Variants in FNBP1 observed in about 807,000 individuals in gnomAD.
FNBP1 encodes the protein formin-binding protein 1.
FNBP1 carries 26 observed loss-of-function variants against 90.6 expected under a neutral mutation model. The observed-to-expected ratio is 0.29, with a 90% CI of 0.21 to 0.40. The LOEUF is 0.40. Ranked by LOEUF, FNBP1 falls within the 10% of genes least tolerant of loss-of-function variation. The probability of loss-of-function intolerance (pLI) is 1.00; values close to 1 mark genes in which losing one functional copy is unlikely to be tolerated. For synonymous variants in FNBP1, 260 were observed against 265.2 expected (o/e 0.98, Z 0.19); for missense variants, 635 against 768.0 (o/e 0.83, Z 2.05).
Position 129,888,280 on chromosome 9 carries a change from T to A in FNBP1, c.*2259A>T. The A allele has an allele frequency of 4.3e-6, 1 of 232,490 alleles. No individual in the cohort carries two copies. The highest frequency in any genetic ancestry group is 8.5e-6 in the Non-Finnish European group (1 of 117,602). The allele number at this position is 232,490 out of a possible 1,614,324, so 14.4% of individuals were successfully genotyped here. On this transcript the variant is annotated 3_prime_UTR_variant, in exon 17 of 17. Coordinates refer to ENST00000446176, the MANE Select transcript of FNBP1 (RefSeq NM_015033.3). ...CACATGCATTCCCGAGGCTCTAAAA[T>A]CCCATTTTAAAGAACCGTTTCACAT...
At position 129,889,340 on chromosome 9, in the gene FNBP1, C is replaced by T. The variant is rs551303446; in HGVS notation, c.*1199G>A. The T allele has an allele frequency of 2.9e-4, 52 of 181,066 alleles. No individual in the cohort carries two copies. The highest frequency in any genetic ancestry group is 4.7e-4 in the Non-Finnish European group (40 of 84,628). 11.2% of individuals were successfully genotyped at this position (181,066 alleles called of 1,614,324 possible). On this transcript the variant is annotated 3_prime_UTR_variant, in exon 17 of 17. Coordinates refer to ENST00000446176, the MANE Select transcript of FNBP1 (RefSeq NM_015033.3). The stretch of plus-strand genomic sequence containing the variant: ...ATCTCAGCACTTTGGGAGGCTGAGG[C>T]GGGCGGATCACCTGAGGTCAGGAGT...
chr9:129,975,042 A>C (rs1347878285), intron 4 of FNBP1, among the ~76,000 whole-genome samples: 1 of 152,058 alleles, frequency 6.6e-6, no homozygotes, highest in African/African-American at 2.4e-5. Context: ...AACATGATGA[A>C]ACTCCATCTC....
intron 1 of FNBP1, among the ~76,000 whole-genome samples, chr9:130,012,742 C>T (rs779085272): frequency 3.9e-5 from 6 of 152,024 alleles, no homozygotes; most frequent in African/African-American, 4.8e-5. Flanking sequence ...TGGGTTCAAG[C>T]GATTCTCCTA....
chr9:129,955,833 G>GCACACACACACA (rs10656523), intron 6 of FNBP1, among the ~76,000 whole-genome samples: 162 of 139,056 alleles, frequency 1.2e-3, no homozygotes, highest in Non-Finnish European at 1.9e-3. Flanking sequence ...TTCTTTTAGC[G>GCACACACACACA]CGCACACACA....
chr9:129,982,393 C>T (rs575435492), intron 2 of FNBP1, among the ~76,000 whole-genome samples: 1 of 152,052 alleles, frequency 6.6e-6, no homozygotes, highest in East Asian at 1.9e-4. Context: ...ATGGCTTGAA[C>T]CTGGGAGGCA....
intron 6 of FNBP1, among the ~76,000 whole-genome samples, chr9:129,938,291 G>A (rs1588691744): frequency 1.3e-5 from 2 of 152,182 alleles, no homozygotes; most frequent in Admixed American, 1.3e-4. Context: ...AAACGGCATT[G>A]TTTAAATTTC....
chr9:130,049,816 T>G, the FNBP1 span, among the ~76,000 whole-genome samples: 3 of 152,182 alleles, frequency 2.0e-5, no homozygotes, highest in African/African-American at 7.2e-5. Flanking sequence ...TTCTGGAGGA[T>G]TTTTACTTAT....
chr9:130,015,183 C>G (rs949898875), intron 1 of FNBP1, among the ~76,000 whole-genome samples: 9 of 152,128 alleles, frequency 5.9e-5, no homozygotes, highest in Admixed American at 5.9e-4. Flanking sequence ...TTTTATTGAG[C>G]ACTTACTATG....
intron 11 of FNBP1, among the ~76,000 whole-genome samples, chr9:129,909,988 G>A (rs145388109): frequency 5.9e-5 from 9 of 152,188 alleles, no homozygotes; most frequent in African/African-American, 1.7e-4. Flanking sequence ...TCATCTCCGC[G>A]GTTTTTAATC....
intron 1 of FNBP1, among the ~76,000 whole-genome samples, chr9:130,035,370 C>G (rs1247719466): frequency 6.6e-6 from 1 of 152,156 alleles, no homozygotes; most frequent in Non-Finnish European, 1.5e-5. Flanking sequence ...ATTCTTGTGT[C>G]TGCTCTGGAG....
chr9:129,935,642 C>T (rs1467636624), intron 6 of FNBP1, among the ~76,000 whole-genome samples: 1 of 152,132 alleles, frequency 6.6e-6, no homozygotes, highest in African/African-American at 2.4e-5. Flanking sequence ...TGCCTACCAC[C>T]ATGCCCAGCT....
chr9:130,044,206 G>C (rs755160479), upstream of FNBP1, among the ~76,000 whole-genome samples: 1 of 152,158 alleles, frequency 6.6e-6, no homozygotes, highest in Non-Finnish European at 1.5e-5. Context: ...GCTACTACTG[G>C]ATCCTTTTCT....
At chr9:130,052,563 G>C in the FNBP1 span, among the ~76,000 whole-genome samples, 1 of 151,928 alleles carries the variant, frequency 6.6e-6, no homozygotes, top group Admixed American at 6.6e-5. Flanking sequence ...CTCCCCAGTA[G>C]CTGGGACTAC....
At chr9:129,971,195 A>T (rs17519338) in intron 4 of FNBP1, among the ~76,000 whole-genome samples, 9,981 of 151,754 alleles carry the variant, frequency 0.066, 438 homozygotes, top group Admixed American at 0.12. Context: ...CTGGCCGTGA[A>T]TCTGCATTTT....
rs76117023 is a variant in FNBP1 at position 130,019,015 on chromosome 9, A to T, written c.24+23937T>A. On this transcript the variant is annotated intron_variant, in intron 1 of 16. Transcript: ENST00000446176. ...CGAGGCAAGTGGATCGCCTGAGCTCATAAGTTCAAGACCAGCTTGGGCAAT... is the reference window on the plus strand; with the variant it reads ...CGAGGCAAGTGGATCGCCTGAGCTCTTAAGTTCAAGACCAGCTTGGGCAAT... 6.9e-3 allele frequency among the ~76,000 whole-genome samples: 1,050 copies of T among 152,286 alleles called. 15 individuals carry two copies. Among genetic ancestry groups the T allele is most frequent in the African/African-American group, 0.024 (1,009 of 41,570 alleles).
At chr9:129,960,442 T>C (rs1285191122) in intron 4 of FNBP1, among the ~76,000 whole-genome samples, 2 of 150,904 alleles carry the variant, frequency 1.3e-5, no homozygotes, top group Non-Finnish European at 3.0e-5. Flanking sequence ...ATTGCTGCTA[T>C]AAACACTTGA....
At chr9:129,952,621 C>T (rs755214849) in intron 6 of FNBP1, among the ~76,000 whole-genome samples, 9 of 152,286 alleles carry the variant, frequency 5.9e-5, no homozygotes, top group Non-Finnish European at 1.2e-4. Flanking sequence ...GCAATGTTAA[C>T]TTAAAGATAT....
intron 4 of FNBP1, 79 bp from the exon 5 acceptor site, chr9:129,958,632 TAAAC>T (rs113504493): frequency 0.081 from 90,364 of 1,117,504 alleles, 4,083 homozygotes; most frequent in Admixed American, 0.14. Flanking sequence ...TTCATCCACT[TAAAC>T]AACATCTAAA....
At chr9:130,039,828 G>T (rs950118763) in intron 1 of FNBP1, among the ~76,000 whole-genome samples, 2 of 152,154 alleles carry the variant, frequency 1.3e-5, no homozygotes, top group Non-Finnish European at 2.9e-5. Context: ...GAAACCTGTA[G>T]TTTCTAAAAG....
Sources: allele counts gnomAD v4.1 joint callset (sites outside exome capture counted in the v4.1 genomes callset), GRCh38; gene constraint gnomAD v4.1.1; transcripts MANE v1.5; gene names NCBI Gene and HGNC (gene_info 2026-07-23, HGNC 2026-07-21).